COL4A6: variants seen among roughly 807,000 people sequenced by gnomAD.
COL4A6 encodes the protein collagen alpha-6(IV) chain.
Under a neutral mutation model 126.7 loss-of-function variants are expected in COL4A6, and 59 were observed. The ratio of observed to expected loss-of-function variants is 0.47; its 90% CI spans 0.38 to 0.58. The LOEUF (loss-of-function observed/expected upper bound fraction) is 0.58. Among genes scored for constraint, COL4A6 ranks in the 20% least tolerant of loss-of-function variants. The pLI is 0.00. For synonymous variants in COL4A6, 547 were observed against 496.6 expected (o/e 1.10, Z -1.35); for missense variants, 1,285 against 1,337.3 (o/e 0.96, Z 0.61).
At chrX:108,300,707 G>A (rs2038463871) in intron 3 of COL4A6, among the ~76,000 whole-genome samples, 2 of 96,931 alleles carry the variant, frequency 2.1e-5, no homozygotes, top group South Asian at 9.9e-4. Context: ...ATGCAGTGAT[G>A]GGTAGTCAAA....
At chrX:108,410,481 T>C (rs900704905) in intron 2 of COL4A6, among the ~76,000 whole-genome samples, 2 of 111,269 alleles carry the variant, frequency 1.8e-5, no homozygotes, top group Non-Finnish European at 3.8e-5. Flanking sequence ...TAGATTGATG[T>C]ACACTTTTCT....
chrX:108,162,934 G>C lies in COL4A6; in HGVS notation c.4174C>G (p.Leu1392Val). Residue 1392 changes from leucine to valine, a missense_variant, in exon 41 of 45, where the codon CTC becomes GTC. Coordinates refer to ENST00000334504, the MANE Select transcript of COL4A6 (RefSeq NM_033641.4). ...CCTTGAGCCCCAGGGTCCCCAGTGA[G>C]GCCAGGGATGCCATCGATCCCTGGT... ...GLPGIDGIPG[L>V]TGDPGAQGPV... 1 of 1,201,287 alleles carries C rather than the reference G, an allele frequency of 8.3e-7. No individual in the cohort carries two copies. Among genetic ancestry groups the C allele is most frequent in the East Asian group, 3.0e-5 (1 of 32,871 alleles).
At chrX:108,346,996 G>A (rs926802910) in intron 2 of COL4A6, among the ~76,000 whole-genome samples, 1 of 111,962 alleles carries the variant, frequency 8.9e-6, no homozygotes, top group Admixed American at 9.4e-5. Flanking sequence ...GTCGTTTATT[G>A]TCATGCATTT....
At chrX:108,391,529 C>T (rs887049217) in intron 2 of COL4A6, among the ~76,000 whole-genome samples, 2 of 111,417 alleles carry the variant, frequency 1.8e-5, no homozygotes, top group Non-Finnish European at 3.8e-5. Flanking sequence ...GGCAGAAGCC[C>T]CTCCCCCCAC....
At chrX:108,243,652 T>G (rs1266750) in intron 3 of COL4A6, among the ~76,000 whole-genome samples, 1 of 110,336 alleles carries the variant, frequency 9.1e-6, no homozygotes, top group Non-Finnish European at 1.9e-5. Flanking sequence ...GACATTGGGG[T>G]TTTTAAAAGC....
At chrX:108,402,081 T>C (rs974090731) in intron 2 of COL4A6, among the ~76,000 whole-genome samples, 4 of 111,361 alleles carry the variant, frequency 3.6e-5, no homozygotes, top group Non-Finnish European at 7.6e-5. Context: ...CCTTTCTCTT[T>C]TTGCCATTAT....
At chrX:108,374,861 G>A (rs921418492) in intron 2 of COL4A6, among the ~76,000 whole-genome samples, 5 of 112,327 alleles carry the variant, frequency 4.5e-5, no homozygotes, top group Admixed American at 9.4e-5. Context: ...GCACTTGGCA[G>A]AATTTCATTC....
intron 3 of COL4A6, among the ~76,000 whole-genome samples, chrX:108,258,940 G>T (rs940732905): frequency 9.1e-6 from 1 of 110,391 alleles, no homozygotes; most frequent in Non-Finnish European, 1.9e-5. Flanking sequence ...TATTGAAACT[G>T]TGATGGCTAA....
rs765378055 is a variant in COL4A6 at position 108,206,397 on chromosome X, G to C, written c.609+121C>G. On this transcript the variant is annotated intron_variant, in intron 9 of 44. Transcript: ENST00000334504. ...GCTTTACTTTAACCCTCCAAGAATG[G>C]AGGTTGCCCTTGCTCACCCAGGAGG... 9.0e-6 allele frequency: 6 copies of C among 669,211 alleles called. No homozygotes were observed. In the African/African-American group the frequency reaches 1.3e-4, roughly 14 times the overall value. The allele number at this position is 669,211 out of a possible 1,213,427, so 55.2% of individuals were successfully genotyped here. A position where few individuals can be genotyped will look rare whatever the true frequency, so the allele number is the denominator to read the frequency against.
intron 11 of COL4A6, among the ~76,000 whole-genome samples, chrX:108,205,220 T>C (rs1266756274): frequency 9.0e-6 from 1 of 110,766 alleles, no homozygotes; most frequent in Non-Finnish European, 1.9e-5. Flanking sequence ...AGCAGGGAAA[T>C]AACAATATTT....
chrX:108,330,179 C>T (rs968401532), intron 2 of COL4A6, among the ~76,000 whole-genome samples: 2 of 110,911 alleles, frequency 1.8e-5, no homozygotes, highest in Non-Finnish European at 3.8e-5. Flanking sequence ...CCTTAAAGAT[C>T]TGTGCAGAGA....
intron 3 of COL4A6, among the ~76,000 whole-genome samples, chrX:108,251,574 C>G (rs1053409166): frequency 3.6e-5 from 4 of 111,765 alleles, no homozygotes; most frequent in Non-Finnish European, 7.5e-5. Context: ...CTCATCTGTT[C>G]AACAAATATT....
At chrX:108,162,761 T>C (rs2034001597) in intron 41 of COL4A6, 131 bp downstream of exon 41, 1 of 730,050 alleles carries the variant, frequency 1.4e-6, no homozygotes, top group Non-Finnish European at 1.9e-6. Context: ...ACAGGAAGCT[T>C]GGGAGCTTTG....
intron 3 of COL4A6, among the ~76,000 whole-genome samples, chrX:108,237,453 T>C (rs1477069449): frequency 9.0e-6 from 1 of 111,465 alleles, no homozygotes; most frequent in Non-Finnish European, 1.9e-5. Flanking sequence ...TCTCACCACG[T>C]GGCTTCCAAC....
At chrX:108,399,029 C>T (rs2041029292) in intron 2 of COL4A6, among the ~76,000 whole-genome samples, 1 of 111,158 alleles carries the variant, frequency 9.0e-6, no homozygotes, top group African/African-American at 3.3e-5. Context: ...GGGAGAGCAT[C>T]CTTTTTGTAG....
At chrX:108,347,087 T>C (rs929261830) in intron 2 of COL4A6, among the ~76,000 whole-genome samples, 2 of 112,323 alleles carry the variant, frequency 1.8e-5, no homozygotes, top group Non-Finnish European at 3.8e-5. Flanking sequence ...AACCCGCTAA[T>C]TCCAGCTCAG....
At chrX:108,320,665 T>C (rs2039004952) in intron 2 of COL4A6, among the ~76,000 whole-genome samples, 1 of 112,044 alleles carries the variant, frequency 8.9e-6, no homozygotes, top group Non-Finnish European at 1.9e-5. Context: ...GTTAATACTC[T>C]GCACAGTGCA....
At chrX:108,238,636 G>C (rs1382381232) in intron 3 of COL4A6, among the ~76,000 whole-genome samples, 1 of 108,030 alleles carries the variant, frequency 9.3e-6, no homozygotes, top group Non-Finnish European at 1.9e-5. Flanking sequence ...AAAAAATTCT[G>C]TGATAAACAA....
intron 3 of COL4A6, among the ~76,000 whole-genome samples, chrX:108,226,170 C>T (rs945135781): frequency 4.4e-5 from 5 of 112,451 alleles, no homozygotes; most frequent in African/African-American, 1.3e-4. Context: ...ATAGCTCTTA[C>T]GTTGGATTAT....
Sources: gnomAD v4.1 joint callset for allele counts (sites outside exome capture counted in the v4.1 genomes callset) on GRCh38, gnomAD v4.1.1 for gene constraint, MANE v1.5 for transcripts, NCBI Gene and HGNC (gene_info 2026-07-23, HGNC 2026-07-21) for gene names.